The following FOXP2 variants were observed in gnomAD, a reference collection of about 807,000 sequenced individuals.
FOXP2 encodes the protein forkhead box protein P2.
FOXP2 carries 12 observed loss-of-function variants against 115.8 expected under a neutral mutation model. The ratio of observed to expected loss-of-function variants is 0.10; its 90% CI spans 0.07 to 0.17. FOXP2 has a LOEUF of 0.17. Ranked by LOEUF, FOXP2 falls within the 10% of genes least tolerant of loss-of-function variation. The pLI, the probability that FOXP2 is intolerant of heterozygous loss-of-function variation, is 1.00. For synonymous variants in FOXP2, 328 were observed against 297.7 expected, an observed-to-expected ratio of 1.10 and a Z score of -1.05; for missense variants, 629 against 843.5, an observed-to-expected ratio of 0.75 and a Z score of 3.15.
chr7:114,302,185 A>G (rs974727493), intron 2 of FOXP2, among the ~76,000 whole-genome samples: 8 of 152,292 alleles, frequency 5.3e-5, no homozygotes, highest in African/African-American at 1.9e-4. Flanking sequence ...ACTAATTCAA[A>G]TGTTTTTTAG....
At chr7:114,217,741 C>T (rs1794522723) in intron 1 of FOXP2, among the ~76,000 whole-genome samples, 1 of 152,166 alleles carries the variant, frequency 6.6e-6, no homozygotes, top group Non-Finnish European at 1.5e-5. Flanking sequence ...TCCAAATCTG[C>T]TATATAACAT....
chr7:114,463,597 T>C (rs550327937), intron 2 of FOXP2, among the ~76,000 whole-genome samples: 19 of 152,354 alleles, frequency 1.2e-4, no homozygotes, highest in African/African-American at 4.6e-4. Context: ...TTACTCATTT[T>C]ATGTGTAATC....
chr7:114,638,481 C>G (rs1012281221), intron 6 of FOXP2, among the ~76,000 whole-genome samples: 2 of 152,116 alleles, frequency 1.3e-5, no homozygotes, highest in East Asian at 1.9e-4. Flanking sequence ...AACCATCAAG[C>G]CTTCAAAGCT....
chr7:114,379,180 G>T (rs191420623), intron 2 of FOXP2, among the ~76,000 whole-genome samples: 1 of 152,128 alleles, frequency 6.6e-6, no homozygotes, highest in African/African-American at 2.4e-5. Flanking sequence ...TTGCTGGCTC[G>T]AATGCCTGGG....
intron 2 of FOXP2, among the ~76,000 whole-genome samples, chr7:114,494,792 G>A (rs935576952): frequency 3.3e-5 from 5 of 151,834 alleles, no homozygotes; most frequent in South Asian, 2.1e-4. Context: ...TGAAAAAAAC[G>A]CGGTAAAATT....
At chr7:114,569,319 G>A (rs940361582) in intron 3 of FOXP2, among the ~76,000 whole-genome samples, 6 of 151,834 alleles carry the variant, frequency 4.0e-5, no homozygotes, top group Non-Finnish European at 8.8e-5. Flanking sequence ...CCTGCAATTA[G>A]CATATTTCAA....
chr7:114,589,194 C>T (rs1338866384), intron 3 of FOXP2, among the ~76,000 whole-genome samples: 2 of 152,064 alleles, frequency 1.3e-5, no homozygotes, highest in Admixed American at 1.3e-4. Context: ...TCATCTCTCG[C>T]CACTTGTTAA....
At chr7:114,662,529 G>C (rs1405600804) in intron 14 of FOXP2, among the ~76,000 whole-genome samples, 1 of 152,006 alleles carries the variant, frequency 6.6e-6, no homozygotes, top group African/African-American at 2.4e-5. Context: ...GAAGCTAAAA[G>C]GCTTTTTAAA....
intron 1 of FOXP2, among the ~76,000 whole-genome samples, chr7:114,280,198 GC>G (rs990839152): frequency 6.6e-6 from 1 of 152,026 alleles, no homozygotes; most frequent in Admixed American, 6.6e-5. Flanking sequence ...CTGAGCACAT[GC>G]CCCCGTAGAA....
At chr7:114,242,032 C>T (rs528379958) in intron 1 of FOXP2, among the ~76,000 whole-genome samples, 1 of 148,340 alleles carries the variant, frequency 6.7e-6, no homozygotes, top group South Asian at 2.2e-4. Context: ...AGTAGCCTCT[C>T]CCTGACCCAC....
intron 2 of FOXP2, among the ~76,000 whole-genome samples, chr7:114,288,604 G>C (rs946700686): frequency 1.3e-5 from 2 of 151,612 alleles, no homozygotes; most frequent in Non-Finnish European, 3.0e-5. Flanking sequence ...TACAATTTTT[G>C]AGATCCAGTC....
intron 1 of FOXP2, among the ~76,000 whole-genome samples, chr7:114,236,279 T>C (rs1795005625): frequency 6.6e-6 from 1 of 152,236 alleles, no homozygotes; most frequent in South Asian, 2.1e-4. Context: ...ATGAAGTTTC[T>C]GTAGGATGGA....
chr7:114,479,949 C>G (rs1796450747), intron 2 of FOXP2, among the ~76,000 whole-genome samples: 1 of 151,372 alleles, frequency 6.6e-6, no homozygotes, highest in African/African-American at 2.4e-5. Context: ...CTGTTGTGTA[C>G]TCCTAGTAAT....
intron 16 of FOXP2, among the ~76,000 whole-genome samples, chr7:114,680,018 T>A (rs1808003454): frequency 6.6e-6 from 1 of 152,172 alleles, no homozygotes; most frequent in Non-Finnish European, 1.5e-5. Flanking sequence ...TAACAAGAAG[T>A]AACTTTTATC....
chr7:114,525,726 C>T (rs1371750824), intron 2 of FOXP2, among the ~76,000 whole-genome samples: 2 of 152,186 alleles, frequency 1.3e-5, no homozygotes, highest in Admixed American at 1.3e-4. Flanking sequence ...TTCAGCCTGT[C>T]TCCTCCCCAT....
intron 2 of FOXP2, among the ~76,000 whole-genome samples, chr7:114,310,419 A>C (rs796394363): frequency 3.4e-4 from 52 of 152,070 alleles, no homozygotes; most frequent in African/African-American, 1.3e-3. Flanking sequence ...GTCCAAGTTG[A>C]CCCTACCCTC....
chr7:114,233,870 G>A (rs962633308), intron 1 of FOXP2, among the ~76,000 whole-genome samples: 1 of 152,090 alleles, frequency 6.6e-6, no homozygotes, highest in Non-Finnish European at 1.5e-5. Context: ...AAAATTAACC[G>A]TGAATGGTGG....
chr7:114,250,298 T>C (rs1168163078), intron 1 of FOXP2, among the ~76,000 whole-genome samples: 1 of 152,180 alleles, frequency 6.6e-6, no homozygotes, highest in Non-Finnish European at 1.5e-5. Context: ...TATAATCTTT[T>C]GGGTATATAC....
chr7:114,642,808 A>AT (rs1470050405), intron 7 of FOXP2, among the ~76,000 whole-genome samples, 185 bp downstream of exon 7: 52 of 58,462 alleles, frequency 8.9e-4, no homozygotes, highest in South Asian at 2.8e-3. Context: ...ATATATATAT[A>AT]TATATTTTTT....
Sources: gnomAD v4.1 joint callset for allele counts (sites outside exome capture counted in the v4.1 genomes callset) on GRCh38, gnomAD v4.1.1 for gene constraint, MANE v1.5 for transcripts, NCBI Gene and HGNC (gene_info 2026-07-23, HGNC 2026-07-21) for gene names.